ASRGL1: variants seen among roughly 807,000 people sequenced by gnomAD.
ASRGL1 encodes isoaspartyl peptidase/L-asparaginase.
ASRGL1 carries 16 observed loss-of-function variants against 22.4 expected under a neutral mutation model. That is an observed-to-expected ratio of 0.71 (90% CI 0.48 to 1.08). The LOEUF is 1.08. Ranked by LOEUF, ASRGL1 falls within the 50% of genes least tolerant of loss-of-function variation. The pLI, the probability that ASRGL1 is intolerant of heterozygous loss-of-function variation, is 0.00. For synonymous variants in ASRGL1, 165 were observed against 159.3 expected, an observed-to-expected ratio of 1.04 and a Z score of -0.27; for missense variants, 412 against 410.1, an observed-to-expected ratio of 1.00 and a Z score of -0.04.
At chr11:62,348,363 G>T (rs1417498091) in intron 2 of ASRGL1, among the ~76,000 whole-genome samples, 3 of 152,106 alleles carry the variant, frequency 2.0e-5, no homozygotes, top group Admixed American at 2.0e-4. Context: ...TTAGGGAAAG[G>T]GGTGCGACTG....
intron 4 of ASRGL1, among the ~76,000 whole-genome samples, chr11:62,359,891 G>A (rs908420022): frequency 6.6e-6 from 1 of 151,670 alleles, no homozygotes; most frequent in African/African-American, 2.4e-5. Flanking sequence ...TTTATGTATT[G>A]TATTTACTAA....
chr11:62,387,503 C>T (rs758680356), intron 4 of ASRGL1, among the ~76,000 whole-genome samples: 5 of 152,162 alleles, frequency 3.3e-5, no homozygotes, highest in Non-Finnish European at 5.9e-5. Flanking sequence ...TCTCCTACCA[C>T]GCTCTCCCTC....
intron 4 of ASRGL1, among the ~76,000 whole-genome samples, chr11:62,388,356 A>C (rs750914312): frequency 3.9e-5 from 6 of 152,120 alleles, no homozygotes; most frequent in Non-Finnish European, 8.8e-5. Context: ...CATCAGCGAC[A>C]CCCGGGAGGT....
intron 3 of ASRGL1, 79 bp from the exon 4 acceptor site, chr11:62,356,892 CCAGAGAGAAGTAATTA>C (rs1946310324): frequency 7.2e-7 from 1 of 1,381,218 alleles, no homozygotes; most frequent in African/African-American, 1.5e-5. Context: ...TCCTTTGCAC[CCAGAGAGAAGTAATTA>C]TTTCAACACA....
At chr11:62,363,470 A>G (rs780881619) in intron 4 of ASRGL1, among the ~76,000 whole-genome samples, 1 of 152,320 alleles carries the variant, frequency 6.6e-6, no homozygotes, top group East Asian at 1.9e-4. Context: ...ACAAAATTGA[A>G]TAACATTCTC....
Position 62,372,458 on chromosome 11 carries a change from A to G in ASRGL1, c.491+15314A>G. ...CTCTATTCCTTTGGGTGCCCTGAAT[A>G]TGGTCAGCTGGGACACAACTCAGAT... On this transcript the variant is annotated intron_variant, in intron 4 of 6. Transcript: ENST00000415229. 6 of 1,526,064 alleles carry G rather than the reference A, an allele frequency of 3.9e-6. No individual in the cohort carries two copies. In the Admixed American group the frequency reaches 5.0e-5, roughly 13 times the overall value. The allele number at this position is 1,526,064 out of a possible 1,614,324, so 94.5% of individuals were successfully genotyped here.
At chr11:62,400,547 G>T in the ASRGL1 span, among the ~76,000 whole-genome samples, 1 of 152,148 alleles carries the variant, frequency 6.6e-6, no homozygotes, top group Non-Finnish European at 1.5e-5. Context: ...TGGGCACTGG[G>T]CAGAACCCCA....
rs34446979 is a variant in ASRGL1 at position 62,343,918 on chromosome 11, C to CTTTT, written c.190+5769_190+5772dup. On this transcript the variant is annotated intron_variant, in intron 2 of 6. Transcript: ENST00000415229. Reference sequence around the variant, plus strand: ...TCATGTGCTTTTTTGTCATGCATTTCTTTTTTTTTTTTTTTTTTTTTCTTT... The same window carrying CTTTT: ...TCATGTGCTTTTTTGTCATGCATTTCTTTTTTTTTTTTTTTTTTTTTTTTTCTTT... Among the ~76,000 whole-genome samples, 239 of 100,644 alleles carry CTTTT rather than the reference C, an allele frequency of 2.4e-3. 5 individuals carry two copies. Among genetic ancestry groups the CTTTT allele is most frequent in the African/African-American group, 3.8e-3 (102 of 26,528 alleles). 66.0% of individuals were successfully genotyped at this position (100,644 alleles called of 152,430 possible).
chr11:62,352,874 G>A (rs939611785), intron 2 of ASRGL1, among the ~76,000 whole-genome samples: 1 of 152,004 alleles, frequency 6.6e-6, no homozygotes, highest in Non-Finnish European at 1.5e-5. Context: ...TTTAGTTTGC[G>A]GTGGTTTGGT....
intron 2 of ASRGL1, among the ~76,000 whole-genome samples, chr11:62,351,957 G>T (rs952840114): frequency 1.3e-5 from 2 of 152,158 alleles, no homozygotes; most frequent in African/African-American, 4.8e-5. Context: ...ACAGGCATGA[G>T]CCACCTCACC....
downstream of ASRGL1, among the ~76,000 whole-genome samples, chr11:62,395,124 C>T (rs1014345608): frequency 3.3e-5 from 5 of 152,180 alleles, no homozygotes; most frequent in Admixed American, 3.3e-4. Context: ...CCTTCATTTT[C>T]GTCCAAATAC....
At chr11:62,399,429 G>C in the ASRGL1 span, among the ~76,000 whole-genome samples, 1 of 152,152 alleles carries the variant, frequency 6.6e-6, no homozygotes, top group African/African-American at 2.4e-5. Flanking sequence ...GTGCCCCACC[G>C]GTGTGTCTGC....
At position 62,367,348 on chromosome 11, in the gene ASRGL1, AAGAG is replaced by A. The variant is rs201269114; in HGVS notation, c.491+10210_491+10213del. Among the ~76,000 whole-genome samples the A allele has an allele frequency of 1.1e-3, 172 of 150,036 alleles. 1 individual carries two copies. The highest frequency in any genetic ancestry group is 1.7e-3 in the Admixed American group (25 of 15,056). On this transcript the variant is annotated intron_variant, in intron 4 of 6. Transcript: ENST00000415229. Reference sequence around the variant, plus strand: ...GTGAAACTCTGTCTCAAAAAAAAAAAAGAGAGAGATTTTAGGGCTAGGCGCAGTG... The same window carrying A: ...GTGAAACTCTGTCTCAAAAAAAAAAAAGAGATTTTAGGGCTAGGCGCAGTG...
intron 4 of ASRGL1, among the ~76,000 whole-genome samples, chr11:62,388,079 A>G (rs549128972): frequency 3.9e-5 from 6 of 152,334 alleles, no homozygotes; most frequent in Admixed American, 3.9e-4. Context: ...TGTTGCTGCT[A>G]CGCTACACAC....
At chr11:62,337,837 CCCCAGCTGCGAA>C in intron 1 of ASRGL1, 41 bp from the exon 2 acceptor site, 1 of 906,246 alleles carries the variant, frequency 1.1e-6, no homozygotes. Flanking sequence ...CCCTACCCAC[CCCCAGCTGCGAA>C]CCCAGCCGTT....
In ASRGL1 at chr11:62,337,508, C is replaced by G. The variant is rs1945748470; in HGVS notation, c.-155C>G. ...GAGCCGGCGTCGGGGAGCGGCGGTA[C>G]CGGGCGGCTGCGGGGCTGGCTCGAC... On this transcript the variant is annotated 5_prime_UTR_variant, in exon 1 of 7. Coordinates refer to ENST00000415229, the MANE Select transcript of ASRGL1 (RefSeq NM_001083926.2). 6.3e-6 allele frequency: 1 copy of G among 158,190 alleles called. No individual in the cohort carries two copies. Among genetic ancestry groups the G allele is most frequent in the Admixed American group, 6.5e-5 (1 of 15,440 alleles). The allele number at this position is 158,190 out of a possible 1,614,324, so 9.8% of individuals were successfully genotyped here. A position where few individuals can be genotyped will look rare whatever the true frequency, so the allele number is the denominator to read the frequency against.
At chr11:62,342,837 A>T (rs542886626) in intron 2 of ASRGL1, among the ~76,000 whole-genome samples, 1 of 152,304 alleles carries the variant, frequency 6.6e-6, no homozygotes, top group East Asian at 1.9e-4. Flanking sequence ...AATACATTAA[A>T]GTGTTACCCG....
the ASRGL1 span, among the ~76,000 whole-genome samples, chr11:62,400,811 G>A: frequency 3.3e-5 from 5 of 152,158 alleles, no homozygotes; most frequent in Non-Finnish European, 5.9e-5. Context: ...GCACCAAGCT[G>A]GGTCACAACC....
At chr11:62,389,633 A>G (rs1947294994) in intron 5 of ASRGL1, 1 of 344,770 alleles carries the variant, frequency 2.9e-6, no homozygotes. Flanking sequence ...CTGATTAGCA[A>G]TCTGAGAAAT....
Sources: allele counts gnomAD v4.1 joint callset (sites outside exome capture counted in the v4.1 genomes callset), GRCh38; gene constraint gnomAD v4.1.1; transcripts MANE v1.5; gene names NCBI Gene and HGNC (gene_info 2026-07-23, HGNC 2026-07-21).